The following COL17A1 variants were observed in gnomAD, a reference collection of about 807,000 sequenced individuals.
The protein encoded by COL17A1 is collagen type XVII alpha 1 chain, also known as collagen alpha-1(XVII) chain.
Under a neutral mutation model 218.4 loss-of-function variants are expected in COL17A1, and 181 were observed. That is an observed-to-expected ratio of 0.83 (90% confidence interval 0.73 to 0.94). COL17A1 has a LOEUF of 0.94. Among genes scored for constraint, COL17A1 ranks in the 40% least tolerant of loss-of-function variants. The pLI is 0.00. For missense variants in COL17A1, 1,924 were observed against 1,945.9 expected (o/e 0.99, Z 0.21); for synonymous variants, 721 against 731.0 (o/e 0.99, Z 0.22).
In COL17A1 at chr10:104,040,266, C is replaced by G. The variant is rs2086345226; in HGVS notation, c.2761+85G>C. The G allele has an allele frequency of 3.7e-6, 4 of 1,071,684 alleles. No homozygotes were observed. In the South Asian group the frequency reaches 5.0e-5, roughly 13 times the overall value. 66.4% of individuals were successfully genotyped at this position (1,071,684 alleles called of 1,614,324 possible). A position where few individuals can be genotyped will look rare whatever the true frequency, so the allele number is the denominator to read the frequency against. ...GGATGCAAAAATGCCCCAGCTCATT[C>G]AGCTTCATCCAAACCCTCCTGGCAA... On this transcript the variant is annotated intron_variant, in intron 40 of 55. Transcript: ENST00000648076.
intron 2 of COL17A1, among the ~76,000 whole-genome samples, chr10:104,079,594 A>G (rs889535883): frequency 1.3e-5 from 2 of 152,208 alleles, no homozygotes; most frequent in East Asian, 3.9e-4. Flanking sequence ...TAGCAAGAAG[A>G]TGCGGTTATG....
chr10:104,076,741 C>T (rs944043392), intron 4 of COL17A1, among the ~76,000 whole-genome samples: 14 of 152,160 alleles, frequency 9.2e-5, no homozygotes, highest in Non-Finnish European at 1.5e-4. Flanking sequence ...CAGGTAAGGG[C>T]AGGTGTTTCT....
At chr10:104,048,169 C>A in intron 29 of COL17A1, 65 bp from the exon 30 acceptor site, 1 of 1,569,176 alleles carries the variant, frequency 6.4e-7, no homozygotes. Flanking sequence ...CCTCCCTCTA[C>A]TGTCCCAGTG....
chr10:104,036,145 G>GGAGTGTGAGTATGGGTGT (rs1164210068), intron 48 of COL17A1, among the ~76,000 whole-genome samples: 1 of 352 alleles, frequency 2.8e-3, no homozygotes. Context: ...TGTGTGTATG[G>GGAGTGTGAGTATGGGTGT]GTGTATGGGA....
At position 104,038,547 on chromosome 10, in the gene COL17A1, G is replaced by A. The variant is rs758283013; in HGVS notation, c.2948-19C>T. ...GATCCCCCTGCAGCAAAGAGAAAGC[G>A]TCCTGTGTCGGTTTCTCCACCCTAG... is the stretch of plus-strand genomic sequence containing the variant. On this transcript the variant is annotated intron_variant, in intron 44 of 55. Transcript: ENST00000648076. The A allele has an allele frequency of 1.5e-5, 24 of 1,608,330 alleles. No homozygotes were observed. The highest frequency in any genetic ancestry group is 4.4e-5 in the South Asian group (4 of 91,050).
Position 104,037,417 on chromosome 10 carries a change from C to A in COL17A1, c.3208+219G>T, listed in dbSNP as rs2282436. Among the ~76,000 whole-genome samples the A allele has an allele frequency of 0.78, 119,029 of 151,990 alleles. 46,957 individuals are homozygous for A. The highest frequency in any genetic ancestry group is 0.84 in the East Asian group (4,345 of 5,168). On this transcript the variant is annotated intron_variant, in intron 46 of 55. Coordinates refer to ENST00000648076, the MANE Select transcript of COL17A1 (RefSeq NM_000494.4). ...AATTAGGAACACATTAGTCAATTGCCGGAAGGCTCACTCGGTGTCTCTCCA... is the reference window on the plus strand; with the variant it reads ...AATTAGGAACACATTAGTCAATTGCAGGAAGGCTCACTCGGTGTCTCTCCA...
At chr10:104,037,137 T>A in intron 46 of COL17A1, 24 bp from the exon 47 acceptor site, 1 of 1,590,056 alleles carries the variant, frequency 6.3e-7, no homozygotes, top group South Asian at 1.1e-5. Context: ...AACCTCAGGT[T>A]ACCTGCTTAG....
At chr10:104,060,389 A>C in intron 13 of COL17A1, 109 bp from the exon 14 acceptor site, 1 of 1,469,884 alleles carries the variant, frequency 6.8e-7, no homozygotes, top group Middle Eastern at 1.8e-4. Context: ...AGGGAGGTAA[A>C]TTAGCAGGTG....
In COL17A1 at chr10:104,049,667, A is replaced by G. The variant is rs73329737; in HGVS notation, c.2165-196T>C. ...CCTAATCAGAATCATGGGCATGTGC[A>G]TGAGTCTTATTTCCTTGGAAACTGA... On this transcript the variant is annotated intron_variant, in intron 28 of 55. Coordinates refer to ENST00000648076, the MANE Select transcript of COL17A1 (RefSeq NM_000494.4). Among the ~76,000 whole-genome samples the G allele has an allele frequency of 0.058, 8,810 of 152,266 alleles. 558 individuals carry two copies. The highest frequency in any genetic ancestry group is 0.15 in the African/African-American group (6,209 of 41,550).
At chr10:104,052,649 C>A (rs1448912599) in intron 23 of COL17A1, among the ~76,000 whole-genome samples, 1 of 152,140 alleles carries the variant, frequency 6.6e-6, no homozygotes, top group Non-Finnish European at 1.5e-5. Flanking sequence ...CCCTCTTGGC[C>A]TCCTTCCAGC....
intron 9 of COL17A1, among the ~76,000 whole-genome samples, chr10:104,067,192 G>A (rs1408955232): frequency 2.0e-5 from 3 of 152,014 alleles, no homozygotes; most frequent in East Asian, 1.9e-4. Context: ...CCCAAAGATC[G>A]GGCCCAAATG....
At chr10:104,056,593 AG>A (rs1378287635) in intron 17 of COL17A1, among the ~76,000 whole-genome samples, 1 of 112,648 alleles carries the variant, frequency 8.9e-6, no homozygotes, top group Non-Finnish European at 2.0e-5. Flanking sequence ...AAAAAAAAAA[AG>A]AAAGAAAAAG....
intron 5 of COL17A1, 94 bp downstream of exon 5, chr10:104,076,207 C>G (rs865925305): frequency 3.8e-6 from 6 of 1,594,156 alleles, no homozygotes; most frequent in Middle Eastern, 1.7e-4. Flanking sequence ...AGGTGAAGGG[C>G]AGACACAGGT....
At position 104,056,982 on chromosome 10, in the gene COL17A1, A is replaced by G. The variant is rs763173611; in HGVS notation, c.1458T>C (p.Ile486=). The change falls in exon 17 of 56, where the codon ATT becomes ATC. Residue 486 remains isoleucine, a synonymous_variant. Coordinates refer to ENST00000648076, the MANE Select transcript of COL17A1 (RefSeq NM_000494.4). ...LLLLGLLFGL[I]ALAEEVRKLK... ...GCTGCCTTTGCCACGTACCCAGAGC[A>G]ATGAGGCCGAAGAGCAGCCCCAGGA... The G allele has an allele frequency of 3.8e-6, 6 of 1,575,574 alleles. No homozygotes were observed. In the Admixed American group the frequency reaches 9.3e-5, roughly 24 times the overall value.
At chr10:104,073,360 C>T in intron 6 of COL17A1, 115 bp from the exon 7 acceptor site, 1 of 870,986 alleles carries the variant, frequency 1.1e-6, no homozygotes, top group South Asian at 1.3e-5. Context: ...TGTCTAAATC[C>T]AGATAGGGGC....
At chr10:104,084,134 G>A (rs674311) in intron 1 of COL17A1, among the ~76,000 whole-genome samples, 129,484 of 152,054 alleles carry the variant, frequency 0.85, 58,148 homozygotes, top group Non-Finnish European at 0.99. Flanking sequence ...GGAGCAGGTG[G>A]GATAGGGCAC....
rs1012649359 is a variant in COL17A1, at chr10:104,043,533, G to A, written c.2483C>T (p.Ala828Val). ...ACCTGGAGGTCCTGGGGGTCCCATG[G>A]CTCCAGGAGGTCCTGGGGGGCCTGG... ...TVPGPPGPPG[A>V]MGPPGPPGAP... Residue 828 changes from alanine (A) to valine (V), a missense_variant, in exon 35 of 56, where the codon GCC becomes GTC. Physicochemically the swap from Ala to Val is moderately conservative, Grantham distance 64. Coordinates refer to ENST00000648076, the MANE Select transcript of COL17A1 (RefSeq NM_000494.4). 8 of 1,610,692 alleles carry A rather than the reference G, an allele frequency of 5.0e-6. No homozygotes were observed. Among genetic ancestry groups the A allele is most frequent in the African/African-American group, 4.0e-5 (3 of 74,854 alleles).
At chr10:104,071,757 A>T (rs2086670610) in intron 8 of COL17A1, among the ~76,000 whole-genome samples, 1 of 151,948 alleles carries the variant, frequency 6.6e-6, no homozygotes, top group South Asian at 2.1e-4. Flanking sequence ...TTCCCTCACC[A>T]CACTGAGTTG....
chr10:104,077,565 G>C (rs750668643), intron 3 of COL17A1, 39 bp from the exon 4 acceptor site: 28 of 1,547,250 alleles, frequency 1.8e-5, no homozygotes, highest in Middle Eastern at 2.2e-4. Context: ...TCAGGGTGGA[G>C]TCAGGCCAGA....
Sources: allele counts gnomAD v4.1 joint callset (sites outside exome capture counted in the v4.1 genomes callset), GRCh38; gene constraint gnomAD v4.1.1; transcripts MANE v1.5; gene names NCBI Gene and HGNC (gene_info 2026-07-23, HGNC 2026-07-21).